ARHGAP15: variants seen among roughly 807,000 people sequenced by gnomAD.
The protein encoded by ARHGAP15 is Rho GTPase activating protein 15.
ARHGAP15 carries 51 observed loss-of-function variants against 63.7 expected under a neutral mutation model. The observed-to-expected ratio is 0.80, with a 90% CI of 0.64 to 1.01. The LOEUF (loss-of-function observed/expected upper bound fraction) is 1.01. ARHGAP15 is among the 50% of genes least tolerant of loss of function. The pLI is 0.00. For missense variants in ARHGAP15, 560 were observed against 564.6 expected (o/e 0.99, Z 0.08); for synonymous variants, 191 against 193.8 (o/e 0.99, Z 0.12).
intron 12 of ARHGAP15, among the ~76,000 whole-genome samples, chr2:143,669,993 G>A (rs1349581785): frequency 2.0e-5 from 3 of 152,180 alleles, no homozygotes; most frequent in Non-Finnish European, 4.4e-5. Flanking sequence ...TGTGTGCAAG[G>A]CATGTAGACT....
In ARHGAP15 at chr2:143,210,271, T is replaced by C. The variant is rs113998367; in HGVS notation, c.235-6113T>C. On this transcript the variant is annotated intron_variant, in intron 3 of 13. Coordinates refer to ENST00000295095, the MANE Select transcript of ARHGAP15 (RefSeq NM_018460.4). ...CCTCCAGAAGACTGAAGAAATTTCTTGAGATACAAAAAGGGTGCCTTCCTC... is the reference window on the plus strand; with the variant it reads ...CCTCCAGAAGACTGAAGAAATTTCTCGAGATACAAAAAGGGTGCCTTCCTC... Among the ~76,000 whole-genome samples the C allele has an allele frequency of 5.9e-3, 894 of 151,330 alleles. 9 individuals are homozygous for C. The highest frequency in any genetic ancestry group is 0.02 in the African/African-American group (839 of 41,452).
At chr2:143,472,276 A>AT (rs1176688861) in intron 8 of ARHGAP15, among the ~76,000 whole-genome samples, 1 of 151,986 alleles carries the variant, frequency 6.6e-6, no homozygotes, top group Admixed American at 6.6e-5. Flanking sequence ...ATTTCTATAT[A>AT]TTTTTTTAAA....
At chr2:143,532,896 C>T (rs193132229) in intron 10 of ARHGAP15, among the ~76,000 whole-genome samples, 5 of 152,254 alleles carry the variant, frequency 3.3e-5, no homozygotes, top group Admixed American at 6.5e-5. Context: ...AAATTTCATA[C>T]ATTTCTAATT....
intron 2 of ARHGAP15, among the ~76,000 whole-genome samples, chr2:143,173,561 A>T (rs558940171): frequency 6.6e-6 from 1 of 152,218 alleles, no homozygotes; most frequent in African/African-American, 2.4e-5. Flanking sequence ...CAAAGGGCAA[A>T]CATCAAGGTA....
chr2:143,291,423 GA>G (rs1249650605), intron 6 of ARHGAP15, among the ~76,000 whole-genome samples: 1 of 135,104 alleles, frequency 7.4e-6, no homozygotes, highest in East Asian at 2.6e-4. Context: ...CTCACTCACA[GA>G]CACACTCAGG....
Position 143,715,902 on chromosome 2 carries a change from G to A in ARHGAP15, c.1244+12378G>A, listed in dbSNP as rs564191340. 4.6e-5 allele frequency among the ~76,000 whole-genome samples: 7 copies of A among 152,180 alleles called. No individual in the cohort carries two copies. The East Asian group carries it at 7.7e-4, about 17-fold the overall frequency. On this transcript the variant is annotated intron_variant, in intron 13 of 13. Transcript: ENST00000295095. ...CCATCTTGAGTTTATTTTTAAATAT[G>A]GTATAAAGAAGGGGTCCAGTTTCAA...
chr2:143,490,770 C>G (rs1192018139), intron 9 of ARHGAP15, among the ~76,000 whole-genome samples: 1 of 152,028 alleles, frequency 6.6e-6, no homozygotes, highest in Non-Finnish European at 1.5e-5. Context: ...CAGGCATGCA[C>G]CACCATGCCC....
intron 6 of ARHGAP15, among the ~76,000 whole-genome samples, chr2:143,384,335 G>A (rs899728873): frequency 2.0e-5 from 3 of 152,040 alleles, no homozygotes; most frequent in Non-Finnish European, 4.4e-5. Context: ...AGGAGAAAAA[G>A]ACGATGCAAA....
chr2:143,523,500 G>A (rs186253020), intron 10 of ARHGAP15, among the ~76,000 whole-genome samples: 7 of 152,114 alleles, frequency 4.6e-5, no homozygotes, highest in African/African-American at 1.4e-4. Context: ...TTTGGTGTGA[G>A]ATCTAAAAGG....
intron 6 of ARHGAP15, among the ~76,000 whole-genome samples, chr2:143,407,311 AT>A (rs1358420223): frequency 6.6e-6 from 1 of 151,756 alleles, no homozygotes; most frequent in Non-Finnish European, 1.5e-5. Context: ...ACCCATTCAT[AT>A]TTTTTAAGAT....
chr2:143,441,732 C>T (rs1171467301), intron 8 of ARHGAP15, among the ~76,000 whole-genome samples: 3 of 151,932 alleles, frequency 2.0e-5, no homozygotes, highest in Non-Finnish European at 2.9e-5. Flanking sequence ...GAAATAAGCA[C>T]CCTGAAATGA....
intron 6 of ARHGAP15, among the ~76,000 whole-genome samples, chr2:143,346,256 A>ACT (rs1349799689): frequency 2.7e-5 from 4 of 147,252 alleles, no homozygotes; most frequent in African/African-American, 7.4e-5. Flanking sequence ...ACACTCACAC[A>ACT]CACACACACA....
chr2:143,371,970 A>G (rs1686577357), intron 6 of ARHGAP15, among the ~76,000 whole-genome samples: 1 of 151,920 alleles, frequency 6.6e-6, no homozygotes, highest in South Asian at 2.1e-4. Flanking sequence ...TAAAGAACTT[A>G]CTCATGTAAC....
At chr2:143,651,944 TG>T (rs1263159102) in intron 12 of ARHGAP15, among the ~76,000 whole-genome samples, 2 of 152,038 alleles carry the variant, frequency 1.3e-5, no homozygotes, top group East Asian at 3.8e-4. Context: ...GAGTTATTTT[TG>T]TCTTCTGGAT....
chr2:143,228,287 A>G (rs1357331870), intron 4 of ARHGAP15: 1 of 196,134 alleles, frequency 5.1e-6, no homozygotes, highest in East Asian at 1.2e-4. Context: ...TTTTATGGGA[A>G]GGATGCACAT....
At chr2:143,417,770 T>C (rs1021655450) in intron 6 of ARHGAP15, among the ~76,000 whole-genome samples, 9 of 152,242 alleles carry the variant, frequency 5.9e-5, no homozygotes, top group Admixed American at 1.3e-4. Context: ...GCTTTCATTT[T>C]GTTAGACATT....
At chr2:143,338,065 TCTAA>T (rs1335220362) in intron 6 of ARHGAP15, among the ~76,000 whole-genome samples, 18 of 152,176 alleles carry the variant, frequency 1.2e-4, no homozygotes, top group African/African-American at 3.1e-4. Context: ...TGAGCATTAA[TCTAA>T]CTCTTATATG....
intron 6 of ARHGAP15, among the ~76,000 whole-genome samples, chr2:143,271,718 C>T (rs975196136): frequency 1.3e-5 from 2 of 152,172 alleles, no homozygotes; most frequent in African/African-American, 2.4e-5. Flanking sequence ...CCTCGTGATC[C>T]GCCCGCCTTG....
At chr2:143,527,019 C>G (rs1305044535) in intron 10 of ARHGAP15, among the ~76,000 whole-genome samples, 1 of 151,852 alleles carries the variant, frequency 6.6e-6, no homozygotes, top group Admixed American at 6.6e-5. Context: ...AATTAAGAAA[C>G]CAAATTAATT....
Sources: gnomAD v4.1 joint callset for allele counts (sites outside exome capture counted in the v4.1 genomes callset) on GRCh38, gnomAD v4.1.1 for gene constraint, MANE v1.5 for transcripts, NCBI Gene and HGNC (gene_info 2026-07-23, HGNC 2026-07-21) for gene names.